SBF1: variants seen among roughly 807,000 people sequenced by gnomAD.
SBF1 encodes the protein SET binding factor 1, also known as myotubularin-related protein 5.
In SBF1, 65 loss-of-function variants were observed where a neutral mutation model predicts 215.8. The observed-to-expected ratio is 0.30, with a 90% CI of 0.25 to 0.37. SBF1 has a LOEUF of 0.37. Ranked by LOEUF, SBF1 falls within the 10% of genes least tolerant of loss-of-function variation. The probability of loss-of-function intolerance (pLI) is 1.00; values close to 1 mark genes in which losing one functional copy is unlikely to be tolerated. For synonymous variants in SBF1, 1,410 were observed against 1,122.8 expected, an observed-to-expected ratio of 1.26 and a Z score of -5.11; for missense variants, 2,634 against 2,667.8, an observed-to-expected ratio of 0.99 and a Z score of 0.28.
chr22:50,451,420 G>A (rs1051562655), intron 36 of SBF1, among the ~76,000 whole-genome samples: 3 of 152,108 alleles, frequency 2.0e-5, no homozygotes, highest in African/African-American at 7.2e-5. Flanking sequence ...TGAACTTGAA[G>A]ACAAGCCAAC....
intron 31 of SBF1, chr22:50,455,948 C>T (rs571456167): frequency 3.6e-6 from 2 of 562,230 alleles, no homozygotes; most frequent in South Asian, 4.7e-5. Context: ...CTGCATCCCC[C>T]GTGTGGTCAT....
chr22:50,472,442 GA>G (rs1274813249), intron 1 of SBF1, among the ~76,000 whole-genome samples: 15 of 152,286 alleles, frequency 9.8e-5, no homozygotes, highest in African/African-American at 3.6e-4. Context: ...ACAGAACAGA[GA>G]GGATCCTCTA....
intron 5 of SBF1, chr22:50,467,018 G>A (rs2067793589): frequency 3.7e-6 from 2 of 539,152 alleles, no homozygotes; most frequent in Admixed American, 6.8e-5. Flanking sequence ...AGGACAGACG[G>A]GCAGAAAGAC....
intron 1 of SBF1, among the ~76,000 whole-genome samples, chr22:50,472,483 C>A (rs1370629446): frequency 6.6e-6 from 1 of 152,166 alleles, no homozygotes; most frequent in East Asian, 1.9e-4. Flanking sequence ...TGTGTCTGTG[C>A]CTAGAGAGTT....
rs567673896 is a variant in SBF1, at chr22:50,450,888, G to A, written c.5044-2238C>T. Among the ~76,000 whole-genome samples the A allele has an allele frequency of 3.3e-5, 5 of 152,290 alleles. No individual in the cohort carries two copies. In the South Asian group the frequency reaches 8.3e-4, roughly 25 times the overall value. On this transcript the variant is annotated intron_variant, in intron 36 of 40. Transcript: ENST00000380817. The stretch of plus-strand genomic sequence containing the variant: ...TTCGGGAGGCCGAGGAGGGAGAATC[G>A]CTTGACCCAAGGAGTGTGAGAACAG...
chr22:50,464,682 G>A lies in SBF1; in HGVS notation c.1488C>T (p.Ser496=), dbSNP rs754823068. The A allele has an allele frequency of 6.2e-7, 1 of 1,607,584 alleles. No homozygotes were observed. The highest frequency in any genetic ancestry group is 8.5e-7 in the Non-Finnish European group (1 of 1,179,696). ...MHKVQRPGES[S]HLRRVPRPFP... is the part of the protein sequence containing the mutation. ...AGGGTCGGGGCACCCGTCGCAGGTG[G>A]CTGCTCTCACCGGGCCTCTGTACCT... The change falls in exon 14 of 41, where the codon AGC becomes AGT. Residue 496 remains serine (S), a synonymous_variant. Transcript: ENST00000380817.
intron 38 of SBF1, 58 bp from the exon 39 acceptor site, chr22:50,447,667 C>T: frequency 7.7e-7 from 1 of 1,294,436 alleles, no homozygotes; most frequent in Non-Finnish European, 1.1e-6. Flanking sequence ...CAAGCCCAGG[C>T]CCCAGCAGTC....
intron 36 of SBF1, among the ~76,000 whole-genome samples, chr22:50,452,738 A>C (rs1286104933): frequency 6.6e-6 from 1 of 150,830 alleles, no homozygotes; most frequent in Non-Finnish European, 1.5e-5. Context: ...AAAAAAAAAA[A>C]AAAAAAAAAA....
chr22:50,460,172 G>A lies in SBF1; in HGVS notation c.3284-13C>T, dbSNP rs766407130. 28 of 1,609,514 alleles carry A rather than the reference G, an allele frequency of 1.7e-5. No individual in the cohort carries two copies. Among genetic ancestry groups the A allele is most frequent in the Middle Eastern group, 3.3e-4 (2 of 6,080 alleles). On this transcript the variant is annotated splice_polypyrimidine_tract_variant and intron_variant, in intron 25 of 40. Coordinates refer to ENST00000380817, the MANE Select transcript of SBF1 (RefSeq NM_002972.4). ...AGCTCCTCCGACACTGCACAGGCCG[G>A]GCACACGTGGTCATCACGGGGCCAC...
chr22:50,448,222 T>TG lies in SBF1; in HGVS notation c.5363+10dup. On this transcript the variant is annotated intron_variant, in intron 38 of 40. Transcript: ENST00000380817. ...GAGGTGTCCATGTGGCAGTGGGAGGTGCCCTCATACCTGTTCTCACTCTCT... is the reference window on the plus strand; with the variant it reads ...GAGGTGTCCATGTGGCAGTGGGAGGTGGCCCTCATACCTGTTCTCACTCTCT... The TG allele has an allele frequency of 1.2e-6, 2 of 1,609,018 alleles. No homozygotes were observed.
At position 50,456,496 on chromosome 22, in the gene SBF1, A is replaced by G; in HGVS notation, c.4082T>C (p.Leu1361Pro). Residue 1361 changes from leucine (L) to proline (P), a missense_variant, in exon 30 of 41, where the codon CTC (leucine) becomes CCC (proline). Leu to Pro is a moderately conservative substitution (Grantham distance 98). Coordinates refer to ENST00000380817, the MANE Select transcript of SBF1 (RefSeq NM_002972.4). ...ALYILGDKAQ[L>P]KGVRSDPLQQ... ...CACCCCCCGCACCCCAGTCACCTTG[A>G]GCTGGGCTTTGTCCCCAAGGATATA... 7.6e-7 allele frequency: 1 copy of G among 1,323,948 alleles called. No homozygotes were observed. 82.0% of individuals were successfully genotyped at this position (1,323,948 alleles called of 1,614,324 possible).
rs1191642508 is a variant in SBF1, at chr22:50,461,251, C to T, written c.2875G>A (p.Ala959Thr). ...ATGCGCTTCTCCTTGGTCAGCGCAG[C>T]CACCGGGAAGGAGCGGACCACCACC... ...EQVVVRSFPVAALTKEKRISV... is the reference protein window; with the variant it reads ...EQVVVRSFPVTALTKEKRISV... The change falls in exon 23 of 41, where the codon GCT becomes ACT. Residue 959 changes from alanine to threonine, a missense_variant. Ala to Thr is a moderately conservative substitution (Grantham distance 58). Coordinates refer to ENST00000380817, the MANE Select transcript of SBF1 (RefSeq NM_002972.4). 1.9e-6 allele frequency: 3 copies of T among 1,613,006 alleles called. No homozygotes were observed. The highest frequency in any genetic ancestry group is 1.3e-5 in the African/African-American group (1 of 74,896).
At position 50,447,053 on chromosome 22, in the gene SBF1, C is replaced by T. The variant is rs956711233; in HGVS notation, c.*89G>A. On this transcript the variant is annotated 3_prime_UTR_variant, in exon 41 of 41. Coordinates refer to ENST00000380817, the MANE Select transcript of SBF1 (RefSeq NM_002972.4). ...TCGGGGCCTCAATACTGTCGAGGGCCGGGGCTGTAAACATGGCCGGGGCGG... is the reference window on the plus strand; with the variant it reads ...TCGGGGCCTCAATACTGTCGAGGGCTGGGGCTGTAAACATGGCCGGGGCGG... 20 of 1,186,182 alleles carry T rather than the reference C, an allele frequency of 1.7e-5. No individual in the cohort carries two copies. The highest frequency in any genetic ancestry group is 9.5e-5 in the South Asian group (7 of 73,540). 73.5% of individuals were successfully genotyped at this position (1,186,182 alleles called of 1,614,324 possible).
rs2067517330 is a variant in SBF1 at position 50,461,630 on chromosome 22, T to C, written c.2732A>G (p.Glu911Gly). The change falls in exon 22 of 41, where the codon GAG becomes GGG. Residue 911 changes from glutamate (E) to glycine (G), a missense_variant. By Grantham distance (98) the Glu-to-Gly change is moderately conservative. Coordinates refer to ENST00000380817, the MANE Select transcript of SBF1 (RefSeq NM_002972.4). ...RVYLLPDGRE[E>G]GAGGSAGGPA... ...TCCCCCAGCACTGCCCCCCGCGCCC[T>C]CCTCACGCCCATCCGGCAGCAGGTA... 6.2e-7 allele frequency: 1 copy of C among 1,611,220 alleles called. No individual in the cohort carries two copies. The highest frequency in any genetic ancestry group is 1.3e-5 in the African/African-American group (1 of 74,874).
rs1357133943 is a variant in SBF1 at position 50,455,526 on chromosome 22, G to A, written c.4323C>T (p.Ser1441=). 11 of 1,602,268 alleles carry A rather than the reference G, an allele frequency of 6.9e-6. No homozygotes were observed. The highest frequency in any genetic ancestry group is 9.4e-6 in the Non-Finnish European group (11 of 1,174,852). The part of the protein sequence containing the change: ...VLVVELLDSG[S]SVLVGLEDGW... ...CATCCTCCAGGCCCACCAGCACGGA[G>A]GAGCCTGAATCCAGGAGCTCCACCA... The change falls in exon 32 of 41, where the codon TCC becomes TCT. Residue 1441 remains serine (S), a synonymous_variant. Coordinates refer to ENST00000380817, the MANE Select transcript of SBF1 (RefSeq NM_002972.4).
At chr22:50,447,292 C>T (rs746314372) in intron 40 of SBF1, 30 bp downstream of exon 40, 7 of 1,613,254 alleles carry the variant, frequency 4.3e-6, no homozygotes, top group African/African-American at 2.7e-5. Flanking sequence ...CAGAGCCCCT[C>T]CCCTCTCCCA....
chr22:50,460,917 C>T (rs2067481515), intron 23 of SBF1, among the ~76,000 whole-genome samples: 1 of 152,200 alleles, frequency 6.6e-6, no homozygotes, highest in African/African-American at 2.4e-5. Flanking sequence ...CCTGGGTTTG[C>T]AAGGCACACC....
In SBF1 at chr22:50,446,356, T is replaced by TGCCCCCCCCC; in HGVS notation, c.*785_*786insGGGGGGGGGC. 1 of 35,040 alleles carries TGCCCCCCCCC rather than the reference T, an allele frequency of 2.9e-5. No homozygotes were observed. Among genetic ancestry groups the TGCCCCCCCCC allele is most frequent in the Non-Finnish European group, 5.8e-5 (1 of 17,162 alleles). The allele number at this position is 35,040 out of a possible 1,614,324, so 2.2% of individuals were successfully genotyped here. On this transcript the variant is annotated 3_prime_UTR_variant, in exon 41 of 41. Coordinates refer to ENST00000380817, the MANE Select transcript of SBF1 (RefSeq NM_002972.4). ...CCTGCATTCCCCTGGGAGCCCACTG[T>TGCCCCCCCCC]CCCCCCCCCCCCCCCGCCTCCGGCC...
At chr22:50,449,647 CA>C (rs1311814141) in intron 36 of SBF1, among the ~76,000 whole-genome samples, 70 of 145,000 alleles carry the variant, frequency 4.8e-4, no homozygotes, top group African/African-American at 1.7e-3. Context: ...CACACACACA[CA>C]CACACACACC....
Sources: allele counts gnomAD v4.1 joint callset (sites outside exome capture counted in the v4.1 genomes callset), GRCh38; gene constraint gnomAD v4.1.1; transcripts MANE v1.5; gene names NCBI Gene and HGNC (gene_info 2026-07-23, HGNC 2026-07-21).